The following HDAC9 variants were observed in gnomAD, a reference collection of about 807,000 sequenced individuals.
The protein encoded by HDAC9 is histone deacetylase 9.
A neutral mutation model predicts 139.4 loss-of-function variants in HDAC9; 41 were observed. The ratio of observed to expected loss-of-function variants is 0.29; its 90% CI spans 0.23 to 0.38. The LOEUF is 0.38. HDAC9 is among the 10% of genes least tolerant of loss of function. The pLI is 1.00. For missense variants in HDAC9, 1,147 were observed against 1,297.0 expected, an observed-to-expected ratio of 0.88 and a Z score of 1.78; for synonymous variants, 517 against 476.2, an observed-to-expected ratio of 1.09 and a Z score of -1.12.
At chr7:18,524,939 G>A (rs801758) in intron 2 of HDAC9, among the ~76,000 whole-genome samples, 64,227 of 150,594 alleles carry the variant, frequency 0.43, 16,604 homozygotes, top group African/African-American at 0.73. Context: ...ATATGTATAC[G>A]CAAGGAAAAT....
Position 18,170,765 on chromosome 7 carries a change from G to A in HDAC9, c.25+8416G>A, listed in dbSNP as rs998613977. ...AAGATCAGATGGTTGTAGATGTGTG[G>A]TGTTATTTCTGAAGCATCTGTTCTG... On this transcript the variant is annotated intron_variant, in intron 2 of 12. Transcript: ENST00000417496. Among the ~76,000 whole-genome samples the A allele has an allele frequency of 4.6e-5, 7 of 152,108 alleles. No homozygotes were observed. In the South Asian group the frequency reaches 1.5e-3, roughly 32 times the overall value.
rs560127231 is a variant in HDAC9, at chr7:18,993,311, A to G, written c.3171-2712A>G. Among the ~76,000 whole-genome samples, 9 of 152,328 alleles carry G rather than the reference A, an allele frequency of 5.9e-5. No homozygotes were observed. In the South Asian group the frequency reaches 1.7e-3, roughly 28 times the overall value. On this transcript the variant is annotated intron_variant, in intron 25 of 25. Transcript: ENST00000686413. ...CTTACATTAACTCGTTTCAATTCTC[A>G]TAACCGTGAGGGCAAGTAAGGGATT...
intron 2 of HDAC9, among the ~76,000 whole-genome samples, chr7:18,196,807 A>G (rs1367395457): frequency 1.3e-5 from 2 of 152,182 alleles, no homozygotes; most frequent in Non-Finnish European, 2.9e-5. Context: ...CCGAGAAGAC[A>G]GTAATGAGAC....
chr7:18,234,376 G>T (rs376203561), intron 2 of HDAC9, among the ~76,000 whole-genome samples: 1 of 152,166 alleles, frequency 6.6e-6, no homozygotes, highest in Non-Finnish European at 1.5e-5. Context: ...TAGAGAAGGG[G>T]TAGGTAGGCT....
chr7:18,701,397 T>TAAAAAAA (rs533989795), intron 12 of HDAC9, among the ~76,000 whole-genome samples: 3 of 103,152 alleles, frequency 2.9e-5, no homozygotes, highest in African/African-American at 5.3e-5. Flanking sequence ...GCGTCTGATT[T>TAAAAAAA]AAAAAAAAAC....
At chr7:18,500,734 A>G (rs1332109824) in intron 2 of HDAC9, among the ~76,000 whole-genome samples, 1 of 152,176 alleles carries the variant, frequency 6.6e-6, no homozygotes, top group African/African-American at 2.4e-5. Flanking sequence ...TTCACCAACT[A>G]AACTTAGAGA....
intron 12 of HDAC9, among the ~76,000 whole-genome samples, chr7:18,715,243 T>G (rs1784616225): frequency 1.2e-5 from 1 of 80,110 alleles, no homozygotes; most frequent in African/African-American, 5.2e-5. Context: ...GGGGAAAGTG[T>G]TTTTTTTTTT....
chr7:18,733,574 T>G (rs2129136360), intron 13 of HDAC9, among the ~76,000 whole-genome samples: 1 of 151,758 alleles, frequency 6.6e-6, no homozygotes, highest in Non-Finnish European at 1.5e-5. Context: ...TAATTCAACT[T>G]GATCACATAT....
chr7:18,133,424 T>G (rs1785156636), intron 1 of HDAC9, among the ~76,000 whole-genome samples: 1 of 152,108 alleles, frequency 6.6e-6, no homozygotes, highest in South Asian at 2.1e-4. Flanking sequence ...ATCCATGACT[T>G]GAAACTAAAA....
At chr7:18,480,727 G>A (rs746143291) in intron 1 of HDAC9, among the ~76,000 whole-genome samples, 3 of 152,166 alleles carry the variant, frequency 2.0e-5, no homozygotes, top group Non-Finnish European at 4.4e-5. Flanking sequence ...AGGTGATAAT[G>A]AGTATAAAGT....
chr7:18,619,452 T>C (rs1380822352), intron 6 of HDAC9, among the ~76,000 whole-genome samples: 1 of 152,174 alleles, frequency 6.6e-6, no homozygotes, highest in Non-Finnish European at 1.5e-5. Flanking sequence ...AGATCAATGA[T>C]TACATTATAT....
chr7:18,827,710 A>G (rs920173962), intron 17 of HDAC9, among the ~76,000 whole-genome samples: 2 of 152,180 alleles, frequency 1.3e-5, no homozygotes, highest in Admixed American at 1.3e-4. Context: ...AGCGTGGTTG[A>G]TCTAATCATA....
intron 12 of HDAC9, among the ~76,000 whole-genome samples, chr7:18,695,036 C>A (rs926329320): frequency 6.6e-6 from 1 of 152,076 alleles, no homozygotes; most frequent in African/African-American, 2.4e-5. Flanking sequence ...CTGAAGGTTG[C>A]TGCATGGAAT....
intron 2 of HDAC9, among the ~76,000 whole-genome samples, chr7:18,263,806 A>G (rs370983791): frequency 1.3e-5 from 2 of 151,960 alleles, no homozygotes; most frequent in East Asian, 3.9e-4. Flanking sequence ...TTAAGTAGAG[A>G]TGGGGTTTCG....
intron 23 of HDAC9, among the ~76,000 whole-genome samples, chr7:18,936,297 CTG>C (rs943903541): frequency 5.3e-5 from 8 of 151,688 alleles, no homozygotes; most frequent in African/African-American, 1.2e-4. Flanking sequence ...GAAAAAAAAA[CTG>C]TTTTAAAAAT....
chr7:18,252,251 G>A (rs969056064), intron 2 of HDAC9, among the ~76,000 whole-genome samples: 4 of 152,164 alleles, frequency 2.6e-5, no homozygotes, highest in Non-Finnish European at 5.9e-5. Context: ...AAGTGGGGCA[G>A]GAGTCAATGT....
intron 2 of HDAC9, among the ~76,000 whole-genome samples, chr7:18,546,927 T>C (rs181235419): frequency 2.4e-4 from 36 of 152,318 alleles, no homozygotes; most frequent in African/African-American, 4.6e-4. Flanking sequence ...ATTTCTGTAA[T>C]AGTTATAACT....
chr7:18,594,053 T>C (rs2128841143), intron 6 of HDAC9, 24 bp downstream of exon 6: 1 of 1,611,132 alleles, frequency 6.2e-7, no homozygotes, highest in East Asian at 2.2e-5. Flanking sequence ...ACAGGAACTC[T>C]GTTTGCTCTT....
intron 16 of HDAC9, among the ~76,000 whole-genome samples, chr7:18,775,311 C>T (rs1790665433): frequency 6.6e-6 from 1 of 151,884 alleles, no homozygotes; most frequent in African/African-American, 2.4e-5. Context: ...AAAATGACGC[C>T]CATAGACTTG....
Sources: allele counts gnomAD v4.1 joint callset (sites outside exome capture counted in the v4.1 genomes callset), GRCh38; gene constraint gnomAD v4.1.1; transcripts MANE v1.5; gene names NCBI Gene and HGNC (gene_info 2026-07-23, HGNC 2026-07-21).